The following PLXDC2 variants were observed in gnomAD, a reference collection of about 807,000 sequenced individuals.
PLXDC2 encodes plexin domain containing 2.
PLXDC2 carries 40 observed loss-of-function variants against 68.9 expected under a neutral mutation model. The ratio of observed to expected loss-of-function variants is 0.58; its 90% CI spans 0.45 to 0.76. The LOEUF (loss-of-function observed/expected upper bound fraction) is 0.76. Ranked by LOEUF, PLXDC2 falls within the 30% of genes least tolerant of loss-of-function variation. The pLI, the probability that PLXDC2 is intolerant of heterozygous loss-of-function variation, is 0.00. For synonymous variants in PLXDC2, 243 were observed against 234.2 expected, an observed-to-expected ratio of 1.04 and a Z score of -0.34; for missense variants, 644 against 661.9, an observed-to-expected ratio of 0.97 and a Z score of 0.30.
rs957436066 is a variant in PLXDC2, at chr10:20,286,907, A to T, written c.*7088A>T. 2 of 152,188 alleles carry T rather than the reference A, an allele frequency of 1.3e-5. No homozygotes were observed. Among genetic ancestry groups the T allele is most frequent in the African/African-American group, 4.8e-5 (2 of 41,406 alleles). 9.4% of individuals were successfully genotyped at this position (152,188 alleles called of 1,614,324 possible). A position where few individuals can be genotyped will look rare whatever the true frequency, so the allele number is the denominator to read the frequency against. On this transcript the variant is annotated 3_prime_UTR_variant, in exon 14 of 14. Transcript: ENST00000377252. ...AGCCGGCTAATTTTGTATTTTTAGT[A>T]GAGACGGGGTTTCTCCATGCTGGTC...
chr10:20,061,854 C>T (rs11011764), intron 3 of PLXDC2, among the ~76,000 whole-genome samples: 22,144 of 152,106 alleles, frequency 0.15, 1,885 homozygotes, highest in South Asian at 0.3. Context: ...TTACCAGAAT[C>T]GGTTTAAGTC....
rs145680019 is a variant in PLXDC2, at chr10:19,996,938, A to G, written c.113-4837A>G. On this transcript the variant is annotated intron_variant, in intron 1 of 13. Coordinates refer to ENST00000377252, the MANE Select transcript of PLXDC2 (RefSeq NM_032812.9). ...GGGAAAGACCTGCCTCCATGATTCA[A>G]TTATCTCCCACTGTTTCCCTCCCAC... Among the ~76,000 whole-genome samples, 461 of 152,266 alleles carry G rather than the reference A, an allele frequency of 3.0e-3. 4 individuals are homozygous for G. The highest frequency in any genetic ancestry group is 9.9e-3 in the African/African-American group (411 of 41,556).
chr10:20,262,777 C>A lies in PLXDC2; in HGVS notation c.1474-16926C>A, dbSNP rs116148561. Reference sequence around the variant, plus strand: ...AGGTGGCTAGGGACTGGCATGGGCCCCAAGCATACCACAGCAGCCTTACAG... The same window carrying A: ...AGGTGGCTAGGGACTGGCATGGGCCACAAGCATACCACAGCAGCCTTACAG... On this transcript the variant is annotated intron_variant, in intron 13 of 13. Coordinates refer to ENST00000377252, the MANE Select transcript of PLXDC2 (RefSeq NM_032812.9). 3.3e-3 allele frequency among the ~76,000 whole-genome samples: 499 copies of A among 152,338 alleles called. 2 individuals carry two copies. The highest frequency in any genetic ancestry group is 0.012 in the African/African-American group (483 of 41,590).
At chr10:20,140,402 A>ATATATATAT (rs1554769219) in intron 4 of PLXDC2, among the ~76,000 whole-genome samples, 2 of 66,052 alleles carry the variant, frequency 3.0e-5, no homozygotes, top group Non-Finnish European at 3.2e-5. Flanking sequence ...ATATATATAT[A>ATATATATAT]AAATATCTAT....
At chr10:19,953,476 G>A (rs774400398) in intron 1 of PLXDC2, among the ~76,000 whole-genome samples, 2 of 152,216 alleles carry the variant, frequency 1.3e-5, no homozygotes, top group African/African-American at 2.4e-5. Flanking sequence ...GAAGCAGTAG[G>A]AGAAATCCGG....
At chr10:20,198,297 T>C (rs1446543235) in intron 9 of PLXDC2, among the ~76,000 whole-genome samples, 1 of 152,144 alleles carries the variant, frequency 6.6e-6, no homozygotes, top group Non-Finnish European at 1.5e-5. Flanking sequence ...GTTTATTAAT[T>C]GTTCTTTGCG....
In PLXDC2 at chr10:20,278,620, AT is replaced by A. The variant is rs11379252; in HGVS notation, c.1474-1074del. ...TAGTAGGCAGAATGTAATTACCTTC[AT>A]TTTTTTTTACACAATATAGAGCTAA... On this transcript the variant is annotated intron_variant, in intron 13 of 13. Transcript: ENST00000377252. Among the ~76,000 whole-genome samples, 54 of 151,190 alleles carry A rather than the reference AT, an allele frequency of 3.6e-4. No individual in the cohort carries two copies. The East Asian group carries it at 7.6e-3, about 21-fold the overall frequency.
chr10:19,934,977 A>T (rs1251230224), intron 1 of PLXDC2, among the ~76,000 whole-genome samples: 1 of 152,202 alleles, frequency 6.6e-6, no homozygotes, highest in Non-Finnish European at 1.5e-5. Flanking sequence ...TTCAGCATCA[A>T]TGCCGGCCTT....
chr10:20,042,878 G>A (rs568923952), intron 2 of PLXDC2, among the ~76,000 whole-genome samples: 8 of 152,126 alleles, frequency 5.3e-5, no homozygotes, highest in African/African-American at 1.7e-4. Context: ...GGATTTATAC[G>A]ATTTAATACC....
intron 4 of PLXDC2, among the ~76,000 whole-genome samples, chr10:20,126,434 C>CGTATATAG (rs1564325064): frequency 3.8e-4 from 8 of 21,320 alleles, no homozygotes; most frequent in African/African-American, 7.6e-4. Context: ...TATGTATATA[C>CGTATATAG]AACACACGTT....
intron 12 of PLXDC2, among the ~76,000 whole-genome samples, chr10:20,221,682 C>T (rs1331235584): frequency 6.6e-6 from 1 of 152,150 alleles, no homozygotes; most frequent in Non-Finnish European, 1.5e-5. Context: ...CAATTTAAAT[C>T]TAACTTCATT....
intron 4 of PLXDC2, among the ~76,000 whole-genome samples, chr10:20,115,415 T>C (rs979892927): frequency 2.0e-5 from 3 of 152,134 alleles, no homozygotes; most frequent in Non-Finnish European, 4.4e-5. Flanking sequence ...GTAACAACAG[T>C]AGAGATCACT....
intron 4 of PLXDC2, among the ~76,000 whole-genome samples, chr10:20,115,236 T>C (rs920042492): frequency 6.6e-6 from 1 of 152,190 alleles, no homozygotes; most frequent in Non-Finnish European, 1.5e-5. Flanking sequence ...GCAAAGCTTA[T>C]AAAGGATAGC....
chr10:19,843,726 T>A (rs1836948178), intron 1 of PLXDC2, among the ~76,000 whole-genome samples: 1 of 152,136 alleles, frequency 6.6e-6, no homozygotes, highest in South Asian at 2.1e-4. Context: ...AAATGTGATC[T>A]CCTGGAGCTA....
At chr10:19,901,030 T>C (rs1838151005) in intron 1 of PLXDC2, among the ~76,000 whole-genome samples, 1 of 151,698 alleles carries the variant, frequency 6.6e-6, no homozygotes, top group Non-Finnish European at 1.5e-5. Context: ...CATACATATA[T>C]ATATACACAT....
At chr10:19,980,466 A>G (rs572858172) in intron 1 of PLXDC2, among the ~76,000 whole-genome samples, 43 of 152,192 alleles carry the variant, frequency 2.8e-4, no homozygotes, top group African/African-American at 7.0e-4. Flanking sequence ...TCTGAAGGCA[A>G]CAAGTCCATT....
rs558905909 is a variant in PLXDC2, at chr10:19,929,220, G to T, written c.113-72555G>T. Among the ~76,000 whole-genome samples the T allele has an allele frequency of 4.1e-5, 6 of 147,914 alleles. No homozygotes were observed. In the East Asian group the frequency reaches 8.1e-4, roughly 20 times the overall value. On this transcript the variant is annotated intron_variant, in intron 1 of 13. Coordinates refer to ENST00000377252, the MANE Select transcript of PLXDC2 (RefSeq NM_032812.9). The stretch of plus-strand genomic sequence containing the variant: ...GTGGTGAAACCCTGCTCTACTAAAA[G>T]AAAAAAAAAATAAATAACAACAACA...
At chr10:19,995,973 G>T (rs1834836855) in intron 1 of PLXDC2, among the ~76,000 whole-genome samples, 1 of 152,172 alleles carries the variant, frequency 6.6e-6, no homozygotes, top group Non-Finnish European at 1.5e-5. Flanking sequence ...GGGAACATAG[G>T]CATGATGGGG....
intron 4 of PLXDC2, among the ~76,000 whole-genome samples, chr10:20,125,365 G>C (rs1437398574): frequency 3.3e-5 from 5 of 152,150 alleles, no homozygotes; most frequent in African/African-American, 2.4e-5. Context: ...AAACACAATT[G>C]GATGGTGTAT....
Sources: allele counts gnomAD v4.1 joint callset (sites outside exome capture counted in the v4.1 genomes callset), GRCh38; gene constraint gnomAD v4.1.1; transcripts MANE v1.5; gene names NCBI Gene and HGNC (gene_info 2026-07-23, HGNC 2026-07-21).